Variants in LY6S observed in about 807,000 individuals in gnomAD.
LY6S encodes the protein lymphocyte antigen 6S.
At chr8:143,042,574 C>G in the LY6S span, 1 of 172,858 alleles carries the variant, frequency 5.8e-6, no homozygotes, top group Non-Finnish European at 1.2e-5. Flanking sequence ...TGGGCGGCCT[C>G]AGGAATGGTG....
chr8:143,050,216 C>G, the LY6S span, among the ~76,000 whole-genome samples: 3 of 145,588 alleles, frequency 2.1e-5, no homozygotes, highest in South Asian at 4.3e-4. Flanking sequence ...GAGTCTTGCT[C>G]TGTCACCAAG....
the LY6S span, among the ~76,000 whole-genome samples, chr8:143,070,483 A>ATTTTTTTTTTTTTT: frequency 1.2e-5 from 1 of 85,960 alleles, no homozygotes. Context: ...ATAAATATAT[A>ATTTTTTTTTTTTTT]TATATATTTT....
At chr8:143,052,003 C>T in the LY6S span, among the ~76,000 whole-genome samples, 332 of 147,922 alleles carry the variant, frequency 2.2e-3, 2 homozygotes, top group Non-Finnish European at 3.9e-3. Flanking sequence ...AGAAAAAAGC[C>T]GGGCGTGGTG....
At chr8:143,075,533 A>G in the LY6S span, among the ~76,000 whole-genome samples, 114,660 of 152,016 alleles carry the variant, frequency 0.75, 43,595 homozygotes, top group East Asian at 0.93. This position sits in a 1 kb window ranked among gnomAD's most constrained non-coding sequence, Gnocchi z 4.1. Flanking sequence ...ATGAAACCCC[A>G]TCTCTACTAA....
chr8:143,063,342 C>T, the LY6S span, among the ~76,000 whole-genome samples: 2 of 152,174 alleles, frequency 1.3e-5, no homozygotes, highest in African/African-American at 2.4e-5. Context: ...ACTGTTTTAA[C>T]GGTTTGATTT....
chr8:143,075,691 A>G, the LY6S span, among the ~76,000 whole-genome samples: 4 of 152,182 alleles, frequency 2.6e-5, no homozygotes, highest in East Asian at 7.7e-4. The surrounding 1 kb of genome is among the most constrained non-coding windows in gnomAD (Gnocchi z 4.1). Context: ...GCAACAGAAC[A>G]AGACTCAATC....
the LY6S span, among the ~76,000 whole-genome samples, chr8:143,050,944 G>T: frequency 7.2e-5 from 11 of 152,198 alleles, no homozygotes; most frequent in Non-Finnish European, 1.5e-4. Context: ...GGCGCTTCAC[G>T]GGTGTGCGGA....
At chr8:143,048,336 C>T in the LY6S span, among the ~76,000 whole-genome samples, 3 of 152,298 alleles carry the variant, frequency 2.0e-5, no homozygotes, top group South Asian at 4.1e-4. Flanking sequence ...TGGGCTGTTT[C>T]GCTGCTTGGT....
At chr8:143,073,063 G>A in the LY6S span, among the ~76,000 whole-genome samples, 24 of 148,544 alleles carry the variant, frequency 1.6e-4, no homozygotes, top group African/African-American at 3.5e-4. Context: ...CGTCCTCGGG[G>A]TCCCTGTTTG....
At chr8:143,052,705 G>A in the LY6S span, among the ~76,000 whole-genome samples, 2 of 152,076 alleles carry the variant, frequency 1.3e-5, no homozygotes, top group Non-Finnish European at 2.9e-5. Context: ...TATCGTCTCC[G>A]CTCCTCGTGG....
chr8:143,054,590 T>C, the LY6S span, among the ~76,000 whole-genome samples: 1 of 152,222 alleles, frequency 6.6e-6, no homozygotes, highest in South Asian at 2.1e-4. Context: ...GGATCTCCAG[T>C]GTATCTACGA....
chr8:143,061,616 C>G, the LY6S span, among the ~76,000 whole-genome samples: 3 of 152,340 alleles, frequency 2.0e-5, no homozygotes, highest in Non-Finnish European at 4.4e-5. Context: ...GCGATCTTGG[C>G]TCACTGCAAA....
At chr8:143,047,718 C>T in the LY6S span, 1 of 152,210 alleles carries the variant, frequency 6.6e-6, no homozygotes, top group African/African-American at 2.4e-5. Flanking sequence ...GCTAATGACA[C>T]ATGCGACGTA....
At chr8:143,055,955 C>T in the LY6S span, among the ~76,000 whole-genome samples, 3 of 152,078 alleles carry the variant, frequency 2.0e-5, no homozygotes, top group Admixed American at 6.6e-5. Context: ...AGGAAACTCA[C>T]TCACTTTCCT....
the LY6S span, among the ~76,000 whole-genome samples, chr8:143,045,241 C>T: frequency 2.6e-5 from 4 of 152,270 alleles, no homozygotes; most frequent in Admixed American, 6.5e-5. This position sits in a 1 kb window ranked among gnomAD's most constrained non-coding sequence, Gnocchi z 5.3. Context: ...AGCAGGAGTG[C>T]GCTGGAACAA....
At chr8:143,051,530 G>A in the LY6S span, among the ~76,000 whole-genome samples, 1 of 151,904 alleles carries the variant, frequency 6.6e-6, no homozygotes, top group East Asian at 1.9e-4. Context: ...GACAGAGCAA[G>A]ACTCTGACTC....
chr8:143,043,099 G>T, the LY6S span: 1 of 1,367,604 alleles, frequency 7.3e-7, no homozygotes. Context: ...TAGGCCTGCG[G>T]GGGAGAGGGC....
chr8:143,068,618 A>G, the LY6S span, among the ~76,000 whole-genome samples: 2 of 152,186 alleles, frequency 1.3e-5, no homozygotes, highest in African/African-American at 4.8e-5. Flanking sequence ...TCTTTACAAC[A>G]ACAAAAGAAC....
the LY6S span, among the ~76,000 whole-genome samples, chr8:143,070,483 A>ATTTTTTTTTTT: frequency 2.3e-5 from 2 of 85,968 alleles, no homozygotes; most frequent in African/African-American, 1.5e-4. Context: ...ATAAATATAT[A>ATTTTTTTTTTT]TATATATTTT....
Sources: gnomAD v4.1 joint callset for allele counts (sites outside exome capture counted in the v4.1 genomes callset) on GRCh38, gnomAD v4.1.1 for gene constraint, Gnocchi (gnomAD v3.1) non-coding constraint, MANE v1.5 for transcripts, NCBI Gene and HGNC (gene_info 2026-07-23, HGNC 2026-07-21) for gene names.